The following NRXN1 variants were observed in gnomAD, a reference collection of about 807,000 sequenced individuals.
NRXN1 encodes neurexin-1.
In NRXN1, 39 loss-of-function variants were observed where a neutral mutation model predicts 150.9. That is an observed-to-expected ratio of 0.26 (90% CI 0.20 to 0.34). The LOEUF is 0.34. Ranked by LOEUF, NRXN1 falls within the 10% of genes least tolerant of loss-of-function variation. The pLI, the probability that NRXN1 is intolerant of heterozygous loss-of-function variation, is 1.00. For synonymous variants in NRXN1, 924 were observed against 757.0 expected, an observed-to-expected ratio of 1.22 and a Z score of -3.62; for missense variants, 1,815 against 1,949.9, an observed-to-expected ratio of 0.93 and a Z score of 1.30.
chr2:50,348,421 A>AGAAAAGAAAG (rs2078199363), intron 17 of NRXN1, among the ~76,000 whole-genome samples: 1 of 152,200 alleles, frequency 6.6e-6, no homozygotes. Flanking sequence ...TGGCATGAAT[A>AGAAAAGAAAG]AAATTGCTTG....
chr2:50,223,048 C>T (rs758736059), intron 18 of NRXN1, among the ~76,000 whole-genome samples: 11 of 151,612 alleles, frequency 7.3e-5, no homozygotes, highest in South Asian at 2.1e-4. Flanking sequence ...TACTTTCATC[C>T]GTAGGCAACA....
chr2:49,943,760 T>A lies in NRXN1; in HGVS notation c.4160A>T (p.Glu1387Val). Residue 1387 changes from glutamate (E) to valine (V), a missense_variant, in exon 22 of 23, where the codon GAG (glutamate) becomes GTG (valine). Around this residue, in one of 6 missense-constraint regions of NRXN1, gnomAD observed 265 missense variants for 307.1 expected, o/e 0.86. Transcript: ENST00000401669. ...AATGTCCTCATCATCGCTGGGACAC[T>A]CTGCTGAGGCCACAAGGATGTCATC... is the stretch of plus-strand genomic sequence containing the variant. ...TTDDILVASAECPSDDEDIDP... is the reference protein window; with the variant it reads ...TTDDILVASAVCPSDDEDIDP... The A allele has an allele frequency of 6.2e-7, 1 of 1,612,228 alleles. No individual in the cohort carries two copies. The highest frequency in any genetic ancestry group is 8.5e-7 in the Non-Finnish European group (1 of 1,179,124).
At chr2:50,597,810 TC>T (rs1675483149) in intron 8 of NRXN1, among the ~76,000 whole-genome samples, 1 of 152,086 alleles carries the variant, frequency 6.6e-6, no homozygotes, top group African/African-American at 2.4e-5. Flanking sequence ...GATTTGAGTC[TC>T]CCCCTGTCTG....
At chr2:50,037,127 T>G (rs1690162662) in intron 21 of NRXN1, among the ~76,000 whole-genome samples, 1 of 142,826 alleles carries the variant, frequency 7.0e-6, no homozygotes, top group Non-Finnish European at 1.5e-5. Context: ...ACAGAATATC[T>G]TTATTTTGGT....
intron 5 of NRXN1, among the ~76,000 whole-genome samples, chr2:50,708,536 C>G (rs562127949): frequency 2.6e-5 from 4 of 152,118 alleles, no homozygotes; most frequent in African/African-American, 9.7e-5. Flanking sequence ...AGGCAAGCTG[C>G]ACAGTTTAAG....
chr2:50,451,215 C>A (rs1036735724), intron 17 of NRXN1, among the ~76,000 whole-genome samples: 1 of 152,162 alleles, frequency 6.6e-6, no homozygotes, highest in African/African-American at 2.4e-5. Flanking sequence ...GCGATCTGCC[C>A]AGTTTGGCCT....
intron 17 of NRXN1, among the ~76,000 whole-genome samples, chr2:50,376,510 T>A (rs1312368143): frequency 1.3e-5 from 2 of 152,216 alleles, no homozygotes; most frequent in Non-Finnish European, 2.9e-5. Context: ...GTTTTGATGC[T>A]GTACTTTTTG....
chr2:50,448,117 A>T (rs1212095509), intron 17 of NRXN1, among the ~76,000 whole-genome samples: 2 of 151,968 alleles, frequency 1.3e-5, no homozygotes, highest in African/African-American at 4.8e-5. Context: ...GAAGGTGAAA[A>T]ATCTAAAAAT....
At chr2:50,822,605 C>T (rs1669899530) in intron 5 of NRXN1, among the ~76,000 whole-genome samples, 1 of 152,064 alleles carries the variant, frequency 6.6e-6, no homozygotes, top group Non-Finnish European at 1.5e-5. Flanking sequence ...GGACACACTC[C>T]TATTTTATCA....
chr2:50,616,499 C>A (rs543493172), intron 8 of NRXN1: 1 of 151,900 alleles, frequency 6.6e-6, no homozygotes, highest in Non-Finnish European at 1.5e-5. Context: ...TTTCTTTAAT[C>A]TGTAAAGAAT....
chr2:50,401,267 G>C (rs189861808), intron 17 of NRXN1, among the ~76,000 whole-genome samples: 1 of 152,000 alleles, frequency 6.6e-6, no homozygotes, highest in East Asian at 1.9e-4. Flanking sequence ...AGATGGGAAG[G>C]CCTGCTAGTA....
chr2:50,436,824 T>G (rs190112354), intron 17 of NRXN1, among the ~76,000 whole-genome samples: 9 of 152,212 alleles, frequency 5.9e-5, no homozygotes, highest in Admixed American at 5.9e-4. Flanking sequence ...GCTGAGGGAG[T>G]CTTGCAATAC....
At chr2:50,596,688 A>G (rs1675267564) in intron 8 of NRXN1, among the ~76,000 whole-genome samples, 1 of 152,042 alleles carries the variant, frequency 6.6e-6, no homozygotes. Flanking sequence ...ACAGATGGTG[A>G]GGTTTGCCCG....
intron 17 of NRXN1, among the ~76,000 whole-genome samples, chr2:50,402,537 A>G (rs1361239912): frequency 6.6e-6 from 1 of 152,144 alleles, no homozygotes; most frequent in Non-Finnish European, 1.5e-5. Flanking sequence ...TTCCTATGCC[A>G]TAGTGTCCCC....
chr2:50,559,196 C>G (rs1668695384), intron 8 of NRXN1, among the ~76,000 whole-genome samples: 1 of 152,182 alleles, frequency 6.6e-6, no homozygotes. Flanking sequence ...CTCCTTATAT[C>G]AGTGCACTGT....
chr2:50,143,795 A>G (rs1215855075), intron 18 of NRXN1, among the ~76,000 whole-genome samples: 1 of 151,820 alleles, frequency 6.6e-6, no homozygotes, highest in Non-Finnish European at 1.5e-5. Context: ...CCCATACTTT[A>G]GGGTGCACAA....
At position 50,629,319 on chromosome 2, in the gene NRXN1, A is replaced by C. The variant is rs78081661; in HGVS notation, c.833-5704T>G. Among the ~76,000 whole-genome samples, 47 of 151,842 alleles carry C rather than the reference A, an allele frequency of 3.1e-4. 1 individual carries two copies. The highest frequency in any genetic ancestry group is 1.1e-3 in the African/African-American group (45 of 41,532). ...TGAGCTGCAACTGCAACAGAAATAC[A>C]GATAAATCTCACAATAATAATGTTT... On this transcript the variant is annotated intron_variant, in intron 5 of 22. Transcript: ENST00000401669.
At chr2:50,901,953 G>A (rs969674760) in intron 5 of NRXN1, among the ~76,000 whole-genome samples, 2 of 152,184 alleles carry the variant, frequency 1.3e-5, no homozygotes, top group Admixed American at 1.3e-4. Context: ...CCCATATGCT[G>A]TCCTTCCATA....
chr2:50,788,160 C>A (rs1705401505), intron 5 of NRXN1, among the ~76,000 whole-genome samples: 1 of 151,322 alleles, frequency 6.6e-6, no homozygotes, highest in Non-Finnish European at 1.5e-5. Flanking sequence ...GATCTTGGCT[C>A]ACTGTGAGCT....
Sources: gnomAD v4.1 joint callset for allele counts (sites outside exome capture counted in the v4.1 genomes callset) on GRCh38, gnomAD v4.1.1 for gene constraint, gnomAD v4.1.1 regional missense constraint, MANE v1.5 for transcripts, NCBI Gene and HGNC (gene_info 2026-07-23, HGNC 2026-07-21) for gene names.